GRIN2A: variants seen among roughly 807,000 people sequenced by gnomAD.
The protein encoded by GRIN2A is glutamate receptor ionotropic, NMDA 2A.
In GRIN2A, 22 loss-of-function variants were observed where a neutral mutation model predicts 113.4. The ratio of observed to expected loss-of-function variants is 0.19; its 90% CI spans 0.14 to 0.28. GRIN2A has a LOEUF of 0.28. Ranked by LOEUF, GRIN2A falls within the 10% of genes least tolerant of loss-of-function variation. The pLI is 1.00. For missense variants in GRIN2A, 1,502 were observed against 1,887.0 expected (o/e 0.80, Z 3.78); for synonymous variants, 827 against 738.4 (o/e 1.12, Z -1.94).
intron 7 of GRIN2A, among the ~76,000 whole-genome samples, chr16:9,835,316 C>T (rs1260657734): frequency 6.6e-6 from 1 of 152,182 alleles, no homozygotes; most frequent in Admixed American, 6.5e-5. Flanking sequence ...TAGTTTTCAT[C>T]AGCTCATTTG....
Position 9,756,269 on chromosome 16 carries a change from A to C in GRIN2A, c.*6880T>G. 1 of 228,250 alleles carries C rather than the reference A, an allele frequency of 4.4e-6. No individual in the cohort carries two copies. The highest frequency in any genetic ancestry group is 2.2e-5 in the African/African-American group (1 of 45,202). The allele number at this position is 228,250 out of a possible 1,614,324, so 14.1% of individuals were successfully genotyped here. On this transcript the variant is annotated 3_prime_UTR_variant, in exon 13 of 13. Transcript: ENST00000330684. ...GATTAGGCACATGCTAAGTAGAGAA[A>C]ATAACTCCCCAGAAATTTTTTTAAA... is the stretch of plus-strand genomic sequence containing the variant.
chr16:9,934,632 A>T (rs2044668779), intron 3 of GRIN2A, among the ~76,000 whole-genome samples: 1 of 122,194 alleles, frequency 8.2e-6, no homozygotes, highest in South Asian at 2.8e-4. Context: ...GTGAGCCGAG[A>T]TTGTGCCACA....
At chr16:9,880,887 C>T (rs567678054) in intron 4 of GRIN2A, among the ~76,000 whole-genome samples, 4 of 152,334 alleles carry the variant, frequency 2.6e-5, no homozygotes, top group Admixed American at 2.6e-4. Flanking sequence ...GTTGCCAAAA[C>T]ATCTTTATGG....
chr16:9,763,482 G>T lies in GRIN2A; in HGVS notation c.4062C>A (p.Ser1354Arg). ...AGGTGTGGTCTGGCAAGAGAGACTT[G>T]CTCCTCTTGCTGTCCTCCAGACCTT... Reference protein sequence around the residue: ...FPQGLEDSKRSKSLLPDHTSD... With the variant: ...FPQGLEDSKRRKSLLPDHTSD... The change falls in exon 13 of 13, where the codon AGC becomes AGA. Residue 1354 changes from serine (S) to arginine (R), a missense_variant. Ser to Arg is a moderately radical substitution (Grantham distance 110, BLOSUM62 -1). Coordinates refer to ENST00000330684, the MANE Select transcript of GRIN2A (RefSeq NM_001134407.3). The T allele has an allele frequency of 6.2e-7, 1 of 1,614,046 alleles. No homozygotes were observed.
chr16:9,931,977 G>C (rs966685142), intron 3 of GRIN2A, among the ~76,000 whole-genome samples: 1 of 152,228 alleles, frequency 6.6e-6, no homozygotes, highest in African/African-American at 2.4e-5. Context: ...TTAGTGGCTA[G>C]AGCTTTAAGC....
chr16:10,111,825 C>A, intron 2 of GRIN2A: 1 of 1,256,882 alleles, frequency 8.0e-7, no homozygotes, highest in Non-Finnish European at 1.1e-6. Context: ...CTGAGATGGG[C>A]ACCATGGGGA....
intron 2 of GRIN2A, among the ~76,000 whole-genome samples, chr16:10,147,763 T>G (rs1447264644): frequency 2.6e-5 from 4 of 152,160 alleles, no homozygotes; most frequent in African/African-American, 9.7e-5. Context: ...AAAACCCTTA[T>G]GTGACCTCGT....
rs1378455307 is a variant in GRIN2A at position 9,811,119 on chromosome 16, A to G, written c.2168+11145T>C. Among the ~76,000 whole-genome samples, 3 of 152,168 alleles carry G rather than the reference A, an allele frequency of 2.0e-5. No individual in the cohort carries two copies. In the East Asian group the frequency reaches 5.8e-4, roughly 29 times the overall value. ...TGTTTATAATTTTACTGTGGGGAGA[A>G]AGGAAGCTGAGCTATTCCAAACCTG... On this transcript the variant is annotated intron_variant, in intron 10 of 12. Coordinates refer to ENST00000330684, the MANE Select transcript of GRIN2A (RefSeq NM_001134407.3).
chr16:10,053,047 CAAA>C (rs34069709), intron 2 of GRIN2A, among the ~76,000 whole-genome samples: 2 of 130,488 alleles, frequency 1.5e-5, no homozygotes, highest in African/African-American at 5.8e-5. Context: ...GACTCCATCT[CAAA>C]AAAAAAAAAA....
intron 2 of GRIN2A, among the ~76,000 whole-genome samples, chr16:10,130,147 A>G (rs1414346670): frequency 2.0e-5 from 3 of 152,244 alleles, no homozygotes; most frequent in Non-Finnish European, 2.9e-5. Flanking sequence ...AAAAGCCAAG[A>G]GACTCATTCA....
At chr16:9,817,921 A>T (rs1458729695) in intron 10 of GRIN2A, among the ~76,000 whole-genome samples, 1 of 152,158 alleles carries the variant, frequency 6.6e-6, no homozygotes, top group South Asian at 2.1e-4. Flanking sequence ...GGGAATGTTC[A>T]AAAGCTGAGC....
At chr16:9,949,140 T>C (rs1447885837) in intron 2 of GRIN2A, among the ~76,000 whole-genome samples, 3 of 152,224 alleles carry the variant, frequency 2.0e-5, no homozygotes, top group Non-Finnish European at 2.9e-5. Flanking sequence ...TCCAGGTCTC[T>C]ATTGTCAATC....
Position 9,808,303 on chromosome 16 carries a change from A to T in GRIN2A, c.2169-9839T>A, listed in dbSNP as rs993758080. Among the ~76,000 whole-genome samples the T allele has an allele frequency of 7.2e-5, 11 of 152,196 alleles. No individual in the cohort carries two copies. In the East Asian group the frequency reaches 2.1e-3, roughly 29 times the overall value. On this transcript the variant is annotated intron_variant, in intron 10 of 12. Coordinates refer to ENST00000330684, the MANE Select transcript of GRIN2A (RefSeq NM_001134407.3). Reference sequence around the variant, plus strand: ...GAATACTGGAGTCTAAGATGTTAATAACTTGTCCAAGGTCCCAACACTGGA... The same window carrying T: ...GAATACTGGAGTCTAAGATGTTAATTACTTGTCCAAGGTCCCAACACTGGA...
Position 10,079,168 on chromosome 16 carries a change from C to A in GRIN2A, c.414+100830G>T, listed in dbSNP as rs75285826. On this transcript the variant is annotated intron_variant, in intron 2 of 12. Transcript: ENST00000330684. ...ACAAATAAGATACACAAGGCCTGTGCCTTTGGGAGCTTAATTTCTAGTAGG... is the reference window on the plus strand; with the variant it reads ...ACAAATAAGATACACAAGGCCTGTGACTTTGGGAGCTTAATTTCTAGTAGG... Among the ~76,000 whole-genome samples the A allele has an allele frequency of 5.1e-3, 780 of 152,252 alleles. 13 individuals are homozygous for A. Among genetic ancestry groups the A allele is most frequent in the Non-Finnish European group, 4.6e-3 (316 of 68,022 alleles).
Position 9,807,494 on chromosome 16 carries a change from T to C in GRIN2A, c.2169-9030A>G, listed in dbSNP as rs918398654. Among the ~76,000 whole-genome samples, 9 of 152,038 alleles carry C rather than the reference T, an allele frequency of 5.9e-5. 1 individual carries two copies. The highest frequency in any genetic ancestry group is 4.4e-5 in the Non-Finnish European group (3 of 67,980). ...ACCCAAGAGATGAATGTACCCACTTTGTCTATTGACTGCTAATTTCAAAGA... is the reference window on the plus strand; with the variant it reads ...ACCCAAGAGATGAATGTACCCACTTCGTCTATTGACTGCTAATTTCAAAGA... On this transcript the variant is annotated intron_variant, in intron 10 of 12. Transcript: ENST00000330684.
Position 9,754,349 on chromosome 16 carries a change from A to C in GRIN2A, c.*8800T>G, listed in dbSNP as rs1384721753. 5 of 207,922 alleles carry C rather than the reference A, an allele frequency of 2.4e-5. No individual in the cohort carries two copies. The highest frequency in any genetic ancestry group is 9.1e-5 in the African/African-American group (4 of 43,968). 12.9% of individuals were successfully genotyped at this position (207,922 alleles called of 1,614,324 possible). On this transcript the variant is annotated 3_prime_UTR_variant, in exon 13 of 13. Coordinates refer to ENST00000330684, the MANE Select transcript of GRIN2A (RefSeq NM_001134407.3). ...CTCAGGTTTGGAAGGCATCTGAGCC[A>C]CATCTAACTATGTCACTGCTGTGTC... is the stretch of plus-strand genomic sequence containing the variant.
intron 2 of GRIN2A, among the ~76,000 whole-genome samples, chr16:10,168,655 T>C (rs1258918016): frequency 6.6e-6 from 1 of 152,192 alleles, no homozygotes; most frequent in Non-Finnish European, 1.5e-5. Context: ...CATATCAAGA[T>C]GAAACTTTAC....
chr16:10,108,553 A>G (rs2048542352), intron 2 of GRIN2A, among the ~76,000 whole-genome samples: 1 of 152,206 alleles, frequency 6.6e-6, no homozygotes, highest in Non-Finnish European at 1.5e-5. Context: ...CACAGCTGCC[A>G]TGTTGCACAA....
At chr16:9,810,190 C>A (rs1041795117) in intron 10 of GRIN2A, among the ~76,000 whole-genome samples, 1 of 152,146 alleles carries the variant, frequency 6.6e-6, no homozygotes, top group Non-Finnish European at 1.5e-5. Flanking sequence ...GGAGTTCACA[C>A]GCAAGAATCC....
Sources: gnomAD v4.1 joint callset for allele counts (sites outside exome capture counted in the v4.1 genomes callset) on GRCh38, gnomAD v4.1.1 for gene constraint, MANE v1.5 for transcripts, NCBI Gene and HGNC (gene_info 2026-07-23, HGNC 2026-07-21) for gene names.